The following CCNJL variants were observed in gnomAD, a reference collection of about 807,000 sequenced individuals.
CCNJL encodes cyclin J like.
Under a neutral mutation model 33.4 loss-of-function variants are expected in CCNJL, and 33 were observed. That is an observed-to-expected ratio of 0.99 (90% CI 0.75 to 1.32). The LOEUF is 1.32. CCNJL is among the 40% of genes most tolerant of loss of function. The pLI is 0.00. For missense variants in CCNJL, 512 were observed against 499.7 expected (o/e 1.02, Z -0.23); for synonymous variants, 227 against 220.9 (o/e 1.03, Z -0.24).
In CCNJL at chr5:160,253,836, A is replaced by G. The variant is rs149011672; in HGVS notation, c.744-38T>C. 5,369 of 1,449,290 alleles carry G rather than the reference A, an allele frequency of 3.7e-3. 16 individuals carry two copies. Among genetic ancestry groups the G allele is most frequent in the Non-Finnish European group, 4.6e-3 (4,982 of 1,087,822 alleles). The allele number at this position is 1,449,290 out of a possible 1,614,324, so 89.8% of individuals were successfully genotyped here. On this transcript the variant is annotated intron_variant, in intron 5 of 5. Transcript: ENST00000257536. ...GACCTGGGTGAGAACTGGAGGCCAA[A>G]AGCCACCAGATGCCTGTGTGTGTCT...
intron 1 of CCNJL, among the ~76,000 whole-genome samples, chr5:160,332,939 G>C (rs145540734): frequency 2.6e-5 from 4 of 152,084 alleles, no homozygotes; most frequent in Non-Finnish European, 4.4e-5. Flanking sequence ...GCCCAGCTGA[G>C]TGCCAGGCAT....
At chr5:160,301,349 G>C (rs1175240641) in intron 2 of CCNJL, among the ~76,000 whole-genome samples, 1 of 152,004 alleles carries the variant, frequency 6.6e-6, no homozygotes, top group African/African-American at 2.4e-5. Context: ...TAATTTACAA[G>C]GACAAAAAGC....
chr5:160,306,236 T>C (rs1162503342), intron 2 of CCNJL, among the ~76,000 whole-genome samples: 1 of 130,926 alleles, frequency 7.6e-6, no homozygotes, highest in African/African-American at 3.0e-5. Flanking sequence ...ATGCCACTGC[T>C]CTCCAGCTTG....
upstream of CCNJL, among the ~76,000 whole-genome samples, chr5:160,317,642 G>T (rs187660691): frequency 9.2e-5 from 14 of 152,190 alleles, 1 homozygote; most frequent in Admixed American, 2.0e-4. Context: ...GGCATGGGGT[G>T]GGGGGAGTAC....
At chr5:160,320,814 T>TTTCTTTCTTTCTTTCTTTCCTTCC (rs1763434490) in intron 1 of CCNJL, among the ~76,000 whole-genome samples, 2 of 103,512 alleles carry the variant, frequency 1.9e-5, no homozygotes, top group African/African-American at 7.5e-5. Flanking sequence ...TCTTTCTTTC[T>TTTCTTTCTTTCTTTCTTTCCTTCC]TTCTTTCTTT....
chr5:160,302,937 T>C (rs1338183840), intron 2 of CCNJL, among the ~76,000 whole-genome samples: 1 of 152,222 alleles, frequency 6.6e-6, no homozygotes, highest in Non-Finnish European at 1.5e-5. Context: ...ATGCACAGAA[T>C]AGGATTCACG....
intron 1 of CCNJL, among the ~76,000 whole-genome samples, chr5:160,324,698 A>G (rs1763514042): frequency 2.6e-5 from 4 of 152,194 alleles, no homozygotes; most frequent in Non-Finnish European, 5.9e-5. Flanking sequence ...GAAATTGAAT[A>G]TATCATTGTA....
chr5:160,322,030 TG>T (rs1398985209), intron 1 of CCNJL, among the ~76,000 whole-genome samples: 1 of 151,750 alleles, frequency 6.6e-6, no homozygotes, highest in East Asian at 1.9e-4. Context: ...AGCTGAGAGA[TG>T]GGGCTGGCTT....
chr5:160,326,342 GCA>G lies in CCNJL; in HGVS notation n.207-10839_207-10838del, dbSNP rs1581021951. ...ATACAAAAATTAGCCAGGCATGGTG[GCA>G]CGCATCTGTAACCCTAGCTACTTGG... On this transcript the variant is annotated intron_variant and non_coding_transcript_variant, in intron 1 of 7. Coordinates refer to the CCNJL transcript ENST00000377503. Among the ~76,000 whole-genome samples, 5 of 152,056 alleles carry G rather than the reference GCA, an allele frequency of 3.3e-5. No homozygotes were observed. The East Asian group carries it at 9.7e-4, about 29-fold the overall frequency.
chr5:160,328,950 G>A (rs566167820), intron 1 of CCNJL, among the ~76,000 whole-genome samples: 3 of 151,944 alleles, frequency 2.0e-5, no homozygotes, highest in East Asian at 3.9e-4. Context: ...CAGAAAGATT[G>A]AGTAACTTAT....
chr5:160,254,596 A>G, intron 5 of CCNJL: 1 of 359,282 alleles, frequency 2.8e-6, no homozygotes, highest in Non-Finnish European at 5.0e-6. Flanking sequence ...CTTTGCCCAC[A>G]CAGCCCACCA....
chr5:160,319,264 G>A (rs879271551), intron 1 of CCNJL, among the ~76,000 whole-genome samples: 3 of 152,114 alleles, frequency 2.0e-5, no homozygotes, highest in Non-Finnish European at 4.4e-5. Context: ...TACAAGCAAG[G>A]GTCACCTCGC....
At chr5:160,301,232 A>G (rs1481982132) in intron 2 of CCNJL, among the ~76,000 whole-genome samples, 1 of 152,240 alleles carries the variant, frequency 6.6e-6, no homozygotes, top group Non-Finnish European at 1.5e-5. Context: ...TGATAGACAC[A>G]ACGACATGGA....
At chr5:160,282,976 T>TATATATATATAC (rs1762270809) in intron 2 of CCNJL, among the ~76,000 whole-genome samples, 3 of 49,820 alleles carry the variant, frequency 6.0e-5, no homozygotes, top group African/African-American at 1.1e-4. Context: ...AATATATATA[T>TATATATATATAC]ATATATATAT....
At chr5:160,315,438 T>C (rs1273842626), upstream of CCNJL, 1 of 449,558 alleles carries the variant, frequency 2.2e-6, no homozygotes, top group Admixed American at 2.4e-5. Context: ...GCACCAAAGG[T>C]TGAGGCAGCA....
chr5:160,270,876 G>C (rs1761810201), intron 3 of CCNJL, among the ~76,000 whole-genome samples: 1 of 152,160 alleles, frequency 6.6e-6, no homozygotes, highest in African/African-American at 2.4e-5. Flanking sequence ...CCAGAACGTA[G>C]GTCTGCTCCA....
At chr5:160,326,486 C>CA (rs11461365) in intron 1 of CCNJL, among the ~76,000 whole-genome samples, 22,025 of 56,608 alleles carry the variant, frequency 0.39, 4,500 homozygotes, top group Non-Finnish European at 0.51. Context: ...ACTCTGTCTC[C>CA]AAAAAAAAAA....
intron 1 of CCNJL, among the ~76,000 whole-genome samples, chr5:160,320,814 T>TTTCTTTCTTTCTTTCTTTCTTTCTTTCC (rs1763434533): frequency 2.9e-5 from 3 of 103,598 alleles, no homozygotes; most frequent in Middle Eastern, 5.1e-3. Context: ...TCTTTCTTTC[T>TTTCTTTCTTTCTTTCTTTCTTTCTTTCC]TTCTTTCTTT....
chr5:160,278,728 T>A (rs1457127676), intron 3 of CCNJL, among the ~76,000 whole-genome samples: 1 of 151,934 alleles, frequency 6.6e-6, no homozygotes, highest in Non-Finnish European at 1.5e-5. Flanking sequence ...CATGGCCCCA[T>A]GGAAATATAA....
Sources: gnomAD v4.1 joint callset for allele counts (sites outside exome capture counted in the v4.1 genomes callset) on GRCh38, gnomAD v4.1.1 for gene constraint, MANE v1.5 for transcripts, NCBI Gene and HGNC (gene_info 2026-07-23, HGNC 2026-07-21) for gene names.